The following METTL21A variants were observed in gnomAD, a reference collection of about 807,000 sequenced individuals.
METTL21A encodes the protein methyltransferase 21A, HSPA lysine, also known as protein N-lysine methyltransferase METTL21A.
In METTL21A, 22 loss-of-function variants were observed where a neutral mutation model predicts 20.9. The observed-to-expected ratio is 1.05, with a 90% CI of 0.75 to 1.50. The LOEUF is 1.50. Among genes scored for constraint, METTL21A ranks in the 40% most tolerant of loss-of-function variants. The pLI, the probability that METTL21A is intolerant of heterozygous loss-of-function variation, is 0.00. For missense variants in METTL21A, 271 were observed against 266.8 expected, an observed-to-expected ratio of 1.02 and a Z score of -0.11; for synonymous variants, 93 against 102.0, an observed-to-expected ratio of 0.91 and a Z score of 0.53.
At chr2:207,605,808 G>A (rs1034566927), downstream of METTL21A, among the ~76,000 whole-genome samples, 3 of 152,154 alleles carry the variant, frequency 2.0e-5, no homozygotes, top group Non-Finnish European at 4.4e-5. Flanking sequence ...TGTATCTCCA[G>A]GATACTGAGA....
chr2:207,607,947 G>C (rs539824942), downstream of METTL21A, among the ~76,000 whole-genome samples: 1 of 152,168 alleles, frequency 6.6e-6, no homozygotes, highest in South Asian at 2.1e-4. Flanking sequence ...ACACTGTGGT[G>C]TGCTGCCCAG....
At chr2:207,625,270 G>C (rs547730284) in exon 1 of METTL21A, 2 of 152,266 alleles carry the variant, frequency 1.3e-5, no homozygotes, top group Non-Finnish European at 2.9e-5. Context: ...CTTACGGCCC[G>C]GGAGGCGGTC....
intron 3 of METTL21A, 47 bp from the exon 4 acceptor site, chr2:207,613,490 C>A: frequency 1.3e-6 from 2 of 1,508,480 alleles, no homozygotes; most frequent in Non-Finnish European, 1.8e-6. Context: ...CAGTACAATT[C>A]TGTTAGGTAG....
intron 3 of METTL21A, among the ~76,000 whole-genome samples, chr2:207,592,447 T>C (rs1297324729): frequency 6.6e-6 from 1 of 151,792 alleles, no homozygotes; most frequent in African/African-American, 2.4e-5. Context: ...ATGATTTAAA[T>C]GGTTTCTGAC....
At chr2:207,593,380 A>C (rs1393893001) in intron 3 of METTL21A, among the ~76,000 whole-genome samples, 1 of 151,512 alleles carries the variant, frequency 6.6e-6, no homozygotes, top group Non-Finnish European at 1.5e-5. Context: ...AATAAAATAA[A>C]TTAGCTGGGC....
chr2:207,617,928 T>C (rs2089994194), intron 3 of METTL21A, among the ~76,000 whole-genome samples: 1 of 152,066 alleles, frequency 6.6e-6, no homozygotes, highest in Non-Finnish European at 1.5e-5. Context: ...ACTTAGAAGG[T>C]GATGCCAACT....
exon 4 of METTL21A, chr2:207,613,229 T>C: frequency 6.2e-7 from 1 of 1,613,616 alleles, no homozygotes; most frequent in Non-Finnish European, 8.5e-7. Flanking sequence ...GATGTTCCAG[T>C]GTCTGAAGAA....
intron 2 of METTL21A, among the ~76,000 whole-genome samples, chr2:207,622,128 C>A (rs1353647300): frequency 6.6e-6 from 1 of 151,490 alleles, no homozygotes; most frequent in Non-Finnish European, 1.5e-5. Context: ...GATGCCCACA[C>A]TAAATGGGGT....
At chr2:207,591,912 T>C (rs1223948190) in intron 3 of METTL21A, among the ~76,000 whole-genome samples, 1 of 152,214 alleles carries the variant, frequency 6.6e-6, no homozygotes, top group Non-Finnish European at 1.5e-5. Flanking sequence ...TAGAAATTTT[T>C]AATTTTACAT....
At chr2:207,604,928 C>CT (rs2087836410), downstream of METTL21A, among the ~76,000 whole-genome samples, 1 of 152,138 alleles carries the variant, frequency 6.6e-6, no homozygotes, top group African/African-American at 2.4e-5. Flanking sequence ...GCTAAGTATA[C>CT]TTTTTATAGT....
chr2:207,618,452 T>C (rs2090059653), intron 3 of METTL21A, among the ~76,000 whole-genome samples: 1 of 152,108 alleles, frequency 6.6e-6, no homozygotes. Context: ...ATTATAACAA[T>C]ATACCATAAT....
chr2:207,617,193 G>A (rs2107147550), intron 3 of METTL21A, among the ~76,000 whole-genome samples: 1 of 152,256 alleles, frequency 6.6e-6, no homozygotes, highest in East Asian at 1.9e-4. Context: ...GCAAACATTC[G>A]AGCACATACT....
intron 3 of METTL21A, 110 bp from the exon 4 acceptor site, chr2:207,613,553 C>G: frequency 2.0e-6 from 2 of 986,364 alleles, no homozygotes; most frequent in Non-Finnish European, 2.9e-6. Context: ...ATCTGATATG[C>G]ATAATATCAA....
intron 3 of METTL21A, among the ~76,000 whole-genome samples, chr2:207,589,082 G>A (rs2084469522): frequency 6.6e-6 from 1 of 152,058 alleles, no homozygotes; most frequent in African/African-American, 2.4e-5. Context: ...ATCTTAGGGG[G>A]TGTATTAGTT....
intron 3 of METTL21A, among the ~76,000 whole-genome samples, chr2:207,591,062 GTAT>G (rs1392791535): frequency 2.0e-5 from 3 of 152,062 alleles, no homozygotes; most frequent in Admixed American, 6.5e-5. Context: ...AACATACTTT[GTAT>G]TATTTTTATT....
At chr2:207,621,657 AC>A in intron 3 of METTL21A, 148 bp downstream of exon 3, 1 of 648,360 alleles carries the variant, frequency 1.5e-6, no homozygotes, top group Admixed American at 2.7e-5. Flanking sequence ...GGAGTTAAGA[AC>A]CCCAGCAGTT....
intron 3 of METTL21A, among the ~76,000 whole-genome samples, chr2:207,619,007 C>T (rs2090143227): frequency 6.6e-6 from 1 of 152,152 alleles, no homozygotes; most frequent in African/African-American, 2.4e-5. Context: ...CCTTTCACCA[C>T]TGGAAGGGCG....
At chr2:207,618,922 G>A (rs918189324) in intron 3 of METTL21A, among the ~76,000 whole-genome samples, 5 of 152,124 alleles carry the variant, frequency 3.3e-5, no homozygotes, top group Non-Finnish European at 7.3e-5. Flanking sequence ...TTGAGAGTCA[G>A]ATTGGATTCA....
chr2:207,617,813 CAG>C (rs1420604658), intron 3 of METTL21A, among the ~76,000 whole-genome samples: 1 of 151,868 alleles, frequency 6.6e-6, no homozygotes, highest in African/African-American at 2.4e-5. Flanking sequence ...TGGGAGTGGA[CAG>C]AGAGAGACAG....
Sources: gnomAD v4.1 joint callset for allele counts (sites outside exome capture counted in the v4.1 genomes callset) on GRCh38, gnomAD v4.1.1 for gene constraint, MANE v1.5 for transcripts, NCBI Gene and HGNC (gene_info 2026-07-23, HGNC 2026-07-21) for gene names.